The following BBS10 variants were observed in gnomAD, a reference collection of about 807,000 sequenced individuals.
BBS10 encodes the protein Bardet-Biedl syndrome 10, also known as BBSome complex assembly protein BBS10.
BBS10 carries 13 observed loss-of-function variants against 12.7 expected under a neutral mutation model. The ratio of observed to expected loss-of-function variants is 1.03; its 90% confidence interval spans 0.67 to 1.63. BBS10 has a LOEUF of 1.63. Among genes scored for constraint, BBS10 ranks in the 40% most tolerant of loss-of-function variants. The pLI is 0.00. For synonymous variants in BBS10, 294 were observed against 304.8 expected, an observed-to-expected ratio of 0.96 and a Z score of 0.37; for missense variants, 858 against 858.0, an observed-to-expected ratio of 1.00 and a Z score of 0.00.
At chr12:76,348,065 A>C in intron 1 of BBS10, 97 bp downstream of exon 1, 1 of 1,381,708 alleles carries the variant, frequency 7.2e-7, no homozygotes, top group Non-Finnish European at 9.9e-7. Flanking sequence ...ACCCGAGGTC[A>C]GTCTTTCTAA....
At position 76,347,079 on chromosome 12, in the gene BBS10, A is replaced by C; in HGVS notation, c.906T>G (p.His302Gln). The C allele has an allele frequency of 1.2e-6, 2 of 1,613,218 alleles. No homozygotes were observed. Among genetic ancestry groups the C allele is most frequent in the Non-Finnish European group, 1.7e-6 (2 of 1,179,848 alleles). ...ATATGAGCAATTTTACATTCTGACT[A>C]TGTAGATGTTTCATTATTGCTTTTG... ...EKTKAIMKHL[H>Q]SQNVKLLISS... is the part of the protein sequence containing the mutation. Residue 302 changes from histidine (H) to glutamine (Q), a missense_variant, in exon 2 of 2, where the codon CAT becomes CAG. By Grantham distance (24) the His-to-Gln change is conservative. Coordinates refer to ENST00000650064, the MANE Select transcript of BBS10 (RefSeq NM_024685.4).
rs1301330607 is a variant in BBS10 at position 76,345,372 on chromosome 12, G to C, written c.*441C>G. On this transcript the variant is annotated 3_prime_UTR_variant, in exon 2 of 2. Coordinates refer to ENST00000650064, the MANE Select transcript of BBS10 (RefSeq NM_024685.4). Reference sequence around the variant, plus strand: ...CTCAGCTTTACAAAGTATGAGTAGGGAAAATTAATGCAAATAATGTATTCA... The same window carrying C: ...CTCAGCTTTACAAAGTATGAGTAGGCAAAATTAATGCAAATAATGTATTCA... The C allele has an allele frequency of 6.4e-6, 1 of 155,806 alleles. No individual in the cohort carries two copies. The highest frequency in any genetic ancestry group is 1.4e-5 in the Non-Finnish European group (1 of 70,124). 9.7% of individuals were successfully genotyped at this position (155,806 alleles called of 1,614,324 possible).
Position 76,347,614 on chromosome 12 carries a change from G to C in BBS10, c.371C>G (p.Ser124Cys). ...AGCCTGGGAAATAAATTTCCACCGA[G>C]AACAATTTTTCCAATGCCTTCCATG... ...QTHGRHWKNC[S>C]RWKFISQALL... is the part of the protein sequence containing the mutation. Residue 124 changes from serine to cysteine, a missense_variant, in exon 2 of 2, where the codon TCT becomes TGT. Ser to Cys is a moderately radical substitution (Grantham distance 112). Transcript: ENST00000650064. The C allele has an allele frequency of 2.5e-6, 4 of 1,613,790 alleles. No individual in the cohort carries two copies. The highest frequency in any genetic ancestry group is 4.5e-5 in the East Asian group (2 of 44,860).
In BBS10 at chr12:76,348,077, T is replaced by C. The variant is rs1483909064; in HGVS notation, c.197+85A>G. On this transcript the variant is annotated intron_variant, in intron 1 of 1. Transcript: ENST00000650064. The stretch of plus-strand genomic sequence containing the variant: ...TTCACCCGAGGTCAGTCTTTCTAAG[T>C]ACGCATCGCCTCAGGATGGGACAAG... The C allele has an allele frequency of 2.8e-6, 4 of 1,443,226 alleles. No individual in the cohort carries two copies. The East Asian group carries it at 6.9e-5, about 25-fold the overall frequency. 89.4% of individuals were successfully genotyped at this position (1,443,226 alleles called of 1,614,324 possible). A position where few individuals can be genotyped will look rare whatever the true frequency, so the allele number is the denominator to read the frequency against.
chr12:76,347,519 T>C lies in BBS10; in HGVS notation c.466A>G (p.Ile156Val), dbSNP rs376537053. 3 of 1,613,692 alleles carry C rather than the reference T, an allele frequency of 1.9e-6. No homozygotes were observed. The highest frequency in any genetic ancestry group is 2.5e-6 in the Non-Finnish European group (3 of 1,180,020). The part of the protein sequence containing the change: ...DQYLSRHFLS[I>V]FSSAKERTLC... Reference sequence around the variant, plus strand: ...GTTCTCTCTTTAGCAGACGAAAAGATAGACAAAAAGTGTCTACTTAGGTAC... The same window carrying C: ...GTTCTCTCTTTAGCAGACGAAAAGACAGACAAAAAGTGTCTACTTAGGTAC... The change falls in exon 2 of 2, where the codon ATC becomes GTC. Residue 156 changes from isoleucine to valine, a missense_variant. Ile to Val is a conservative substitution (Grantham distance 29). Transcript: ENST00000650064.
At position 76,345,707 on chromosome 12, in the gene BBS10, G is replaced by C; in HGVS notation, c.*106C>G. The C allele has an allele frequency of 1.0e-6, 1 of 1,004,050 alleles. No homozygotes were observed. Among genetic ancestry groups the C allele is most frequent in the Non-Finnish European group, 1.5e-6 (1 of 653,082 alleles). 62.2% of individuals were successfully genotyped at this position (1,004,050 alleles called of 1,614,324 possible). A position where few individuals can be genotyped will look rare whatever the true frequency, so the allele number is the denominator to read the frequency against. ...TTCTTCTAAAGACTTTTAAAGTTACGCTATTTTCCTAAGTAGACTGAACTG... is the reference window on the plus strand; with the variant it reads ...TTCTTCTAAAGACTTTTAAAGTTACCCTATTTTCCTAAGTAGACTGAACTG... On this transcript the variant is annotated 3_prime_UTR_variant, in exon 2 of 2. Transcript: ENST00000650064.
rs1322290826 is a variant in BBS10, at chr12:76,347,763, A to T, written c.222T>A (p.Ser74Arg). The change falls in exon 2 of 2, where the codon AGT becomes AGA. Residue 74 changes from serine (S) to arginine (R), a missense_variant. Physicochemically the swap from Ser to Arg is moderately radical, Grantham distance 110. Coordinates refer to ENST00000650064, the MANE Select transcript of BBS10 (RefSeq NM_024685.4). ...IARMIVDCVS[S>R]HLKKTGDGAK... The stretch of plus-strand genomic sequence containing the variant: ...CACCATCTCCTGTTTTTTTGAGATG[A>T]CTGGAAACACAGTCCACTATCATCC... 1 of 1,602,004 alleles carries T rather than the reference A, an allele frequency of 6.2e-7. No individual in the cohort carries two copies. The highest frequency in any genetic ancestry group is 2.2e-5 in the East Asian group (1 of 44,878).
Position 76,348,267 on chromosome 12 carries a change from G to A in BBS10, c.92C>T (p.Pro31Leu), listed in dbSNP as rs1486182131. ...CGTACACAAAACTTGCCGTCCCTCG[G>A]GCCCCACGCAGCAGCTCACGATGGC... ...LEAIVSCCVG[P>L]EGRQVLCTKP... The change falls in exon 1 of 2, where the codon CCC (proline) becomes CTC (leucine). Residue 31 changes from proline to leucine, a missense_variant. Physicochemically the swap from Pro to Leu is moderately conservative, Grantham distance 98. Coordinates refer to ENST00000650064, the MANE Select transcript of BBS10 (RefSeq NM_024685.4). The A allele has an allele frequency of 6.2e-7, 1 of 1,613,372 alleles. No homozygotes were observed. The highest frequency in any genetic ancestry group is 8.5e-7 in the Non-Finnish European group (1 of 1,179,682).
In BBS10 at chr12:76,347,475, T is replaced by C. The variant is rs2136091058; in HGVS notation, c.510A>G (p.Leu170=). The part of the protein sequence containing the change: ...AKERTLCRSS[L]ELLLEAYFCG... Reference sequence around the variant, plus strand: ...AAAAGTATGCTTCTAAGAGCAACTCTAAAGAGCTCCTACACAATGTTCTCT... The same window carrying C: ...AAAAGTATGCTTCTAAGAGCAACTCCAAAGAGCTCCTACACAATGTTCTCT... The change falls in exon 2 of 2, where the codon TTA becomes TTG. Residue 170 remains leucine (L), a synonymous_variant. Transcript: ENST00000650064. The C allele has an allele frequency of 5.0e-6, 8 of 1,613,820 alleles. No individual in the cohort carries two copies. The highest frequency in any genetic ancestry group is 5.9e-6 in the Non-Finnish European group (7 of 1,180,014).
At chr12:76,348,057 C>A in intron 1 of BBS10, 105 bp downstream of exon 1, 1 of 1,341,940 alleles carries the variant, frequency 7.5e-7, no homozygotes, top group South Asian at 1.4e-5. Flanking sequence ...GCGGTTTCAC[C>A]CGAGGTCAGT....
In BBS10 at chr12:76,345,239, C is replaced by A. The variant is rs569916038; in HGVS notation, c.*574G>T. On this transcript the variant is annotated 3_prime_UTR_variant, in exon 2 of 2. Coordinates refer to ENST00000650064, the MANE Select transcript of BBS10 (RefSeq NM_024685.4). ...AATGAAGTGGCAGTAAACCAATGAC[C>A]ACATAAAAGTAAAAATTAATTTTAT... 1 of 152,196 alleles carries A rather than the reference C, an allele frequency of 6.6e-6. No individual in the cohort carries two copies. The highest frequency in any genetic ancestry group is 1.9e-4 in the East Asian group (1 of 5,190). The allele number at this position is 152,196 out of a possible 1,614,324, so 9.4% of individuals were successfully genotyped here. A position where few individuals can be genotyped will look rare whatever the true frequency, so the allele number is the denominator to read the frequency against.
At position 76,347,476 on chromosome 12, in the gene BBS10, A is replaced by G. The variant is rs780916348; in HGVS notation, c.509T>C (p.Leu170Ser). The change falls in exon 2 of 2, where the codon TTA becomes TCA. Residue 170 changes from leucine (L) to serine (S), a missense_variant. Transcript: ENST00000650064. ...AAAGTATGCTTCTAAGAGCAACTCT[A>G]AAGAGCTCCTACACAATGTTCTCTC... is the stretch of plus-strand genomic sequence containing the variant. ...AKERTLCRSSLELLLEAYFCG... is the reference protein window; with the variant it reads ...AKERTLCRSSSELLLEAYFCG... 2 of 1,613,778 alleles carry G rather than the reference A, an allele frequency of 1.2e-6. No individual in the cohort carries two copies. Among genetic ancestry groups the G allele is most frequent in the Non-Finnish European group, 1.7e-6 (2 of 1,179,968 alleles).
Position 76,346,002 on chromosome 12 carries a change from A to G in BBS10, c.1983T>C (p.Ala661=). 1 of 1,614,066 alleles carries G rather than the reference A, an allele frequency of 6.2e-7. No homozygotes were observed. Among genetic ancestry groups the G allele is most frequent in the Non-Finnish European group, 8.5e-7 (1 of 1,179,944 alleles). Residue 661 remains alanine, a synonymous_variant, in exon 2 of 2, where the codon GCT becomes GCC. Transcript: ENST00000650064. ...KYSFPHTYIR[A]VHALQTNQPL... is the part of the protein sequence containing the mutation. ...GTTGATTGGTTTGCAGTGCATGGAC[A>G]GCTCTTATATATGTATGTGGAAAGC...
In BBS10 at chr12:76,346,868, G is replaced by T. The variant is rs766313616; in HGVS notation, c.1117C>A (p.Pro373Thr). Residue 373 changes from proline to threonine, a missense_variant, in exon 2 of 2, where the codon CCT (proline) becomes ACT (threonine). Transcript: ENST00000650064. Reference sequence around the variant, plus strand: ...TATCTTTTGGATCTAAGGATAAGAGGTTTACAAAATTTCACCAAAGCAGTG... The same window carrying T: ...TATCTTTTGGATCTAAGGATAAGAGTTTTACAAAATTTCACCAAAGCAGTG... ...PNTALVKFCK[P>T]LILRSKRYVH... is the part of the protein sequence containing the mutation. 1 of 1,613,808 alleles carries T rather than the reference G, an allele frequency of 6.2e-7. No individual in the cohort carries two copies. The highest frequency in any genetic ancestry group is 8.5e-7 in the Non-Finnish European group (1 of 1,179,990).
In BBS10 at chr12:76,347,528, AG is replaced by A. The variant is rs1565810128; in HGVS notation, c.456del (p.Leu154CysfsTer17). 6.2e-7 allele frequency: 1 copy of A among 1,613,810 alleles called. No homozygotes were observed. Among genetic ancestry groups the A allele is most frequent in the Non-Finnish European group, 8.5e-7 (1 of 1,180,002 alleles). On this transcript the variant is annotated frameshift_variant, in exon 2 of 2. Coordinates refer to ENST00000650064, the MANE Select transcript of BBS10 (RefSeq NM_024685.4). LOFTEE classifies it low-confidence loss of function (END_TRUNC). ...TTAGCAGACGAAAAGATAGACAAAA[AG>A]TGTCTACTTAGGTACTGGTCCATAA... ...DGIMDQYLSR[H>X]FLSIFSSAKE...
rs773072327 is a variant in BBS10, at chr12:76,348,235, T to A, written c.124A>T (p.Thr42Ser). ...TTCCGGCTGAGAAGCACCTCGCCAG[T>A]GGGCTTCGTACACAAAACTTGCCGT... ...EGRQVLCTKP[T>S]GEVLLSRNGG... Residue 42 changes from threonine to serine, a missense_variant, in exon 1 of 2, where the codon ACT becomes TCT. By Grantham distance (58) the Thr-to-Ser change is moderately conservative. Coordinates refer to ENST00000650064, the MANE Select transcript of BBS10 (RefSeq NM_024685.4). 5 of 1,613,892 alleles carry A rather than the reference T, an allele frequency of 3.1e-6. No homozygotes were observed. The South Asian group carries it at 5.5e-5, about 18-fold the overall frequency.
Position 76,348,207 on chromosome 12 carries a change from C to T in BBS10, c.152G>A (p.Gly51Glu). Residue 51 changes from glycine (G) to glutamate (E), a missense_variant, in exon 1 of 2, where the codon GGA (glycine) becomes GAA (glutamate). Transcript: ENST00000650064. The part of the protein sequence containing the change: ...PTGEVLLSRN[G>E]GRLLEALHLE... ...GTGTAGCGCCTCCAGGAGGCGGCCTCCATTCCGGCTGAGAAGCACCTCGCC... is the reference window on the plus strand; with the variant it reads ...GTGTAGCGCCTCCAGGAGGCGGCCTTCATTCCGGCTGAGAAGCACCTCGCC... The T allele has an allele frequency of 3.7e-6, 6 of 1,613,610 alleles. No individual in the cohort carries two copies. Among genetic ancestry groups the T allele is most frequent in the Non-Finnish European group, 4.2e-6 (5 of 1,179,594 alleles).
chr12:76,345,771 T>A lies in BBS10; in HGVS notation c.*42A>T, dbSNP rs1252053696. ...TGGTCACATGACTGCTTTACTTGGC[T>A]TGAGTTAGATGAAAAGTTTGGTTAA... On this transcript the variant is annotated 3_prime_UTR_variant, in exon 2 of 2. Coordinates refer to ENST00000650064, the MANE Select transcript of BBS10 (RefSeq NM_024685.4). 1.3e-6 allele frequency: 2 copies of A among 1,566,652 alleles called. No individual in the cohort carries two copies. Among genetic ancestry groups the A allele is most frequent in the Non-Finnish European group, 1.8e-6 (2 of 1,141,882 alleles).
Position 76,346,261 on chromosome 12 carries a change from G to T in BBS10, c.1724C>A (p.Pro575Gln). 2 of 1,612,702 alleles carry T rather than the reference G, an allele frequency of 1.2e-6. No individual in the cohort carries two copies. Among genetic ancestry groups the T allele is most frequent in the Non-Finnish European group, 1.7e-6 (2 of 1,179,312 alleles). Reference sequence around the variant, plus strand: ...CATATTCGGTAACTTACAGCTCACTGGTAACATGCTTCCCTTTCTAGTAAT... The same window carrying T: ...CATATTCGGTAACTTACAGCTCACTTGTAACATGCTTCCCTTTCTAGTAAT... ...TNITRKGSML[P>Q]VSCKLPNMGT... Residue 575 changes from proline (P) to glutamine (Q), a missense_variant, in exon 2 of 2, where the codon CCA (proline) becomes CAA (glutamine). By Grantham distance (76) the Pro-to-Gln change is moderately conservative. Transcript: ENST00000650064.
Sources: allele counts gnomAD v4.1 joint callset, GRCh38; gene constraint gnomAD v4.1.1; transcripts MANE v1.5; gene names NCBI Gene and HGNC (gene_info 2026-07-23, HGNC 2026-07-21).